MDN1: variants seen among roughly 807,000 people sequenced by gnomAD.
MDN1 encodes the protein midasin.
Under a neutral mutation model 669.2 loss-of-function variants are expected in MDN1, and 266 were observed. The observed-to-expected ratio is 0.40, with a 90% CI of 0.36 to 0.44. MDN1 has a LOEUF of 0.44. MDN1 is among the 20% of genes least tolerant of loss of function. The pLI is 1.00. For synonymous variants in MDN1, 2,385 were observed against 2,457.1 expected, an observed-to-expected ratio of 0.97 and a Z score of 0.87; for missense variants, 5,940 against 6,754.0, an observed-to-expected ratio of 0.88 and a Z score of 4.22.
intron 50 of MDN1, among the ~76,000 whole-genome samples, chr6:89,708,850 G>A (rs1813693089): frequency 6.6e-6 from 1 of 151,924 alleles, no homozygotes; most frequent in South Asian, 2.1e-4. Context: ...GTATCTGTAT[G>A]TCCTGAAAGT....
chr6:89,811,128 G>A (rs1167949909), intron 1 of MDN1, among the ~76,000 whole-genome samples: 2 of 152,100 alleles, frequency 1.3e-5, no homozygotes, highest in Non-Finnish European at 2.9e-5. Context: ...CCACAATATG[G>A]GTGGTGCTTT....
intron 79 of MDN1, among the ~76,000 whole-genome samples, chr6:89,673,785 A>G (rs1810993703): frequency 6.6e-6 from 1 of 152,056 alleles, no homozygotes; most frequent in African/African-American, 2.4e-5. Context: ...ATATTCCATT[A>G]TCATTAGTAT....
At chr6:89,744,551 T>A (rs1816487547) in intron 29 of MDN1, among the ~76,000 whole-genome samples, 1 of 152,048 alleles carries the variant, frequency 6.6e-6, no homozygotes, top group Non-Finnish European at 1.5e-5. Flanking sequence ...TACAGGCAGA[T>A]GCCAACACAA....
In MDN1 at chr6:89,695,464, C is replaced by T; in HGVS notation, c.9771+141G>A. 1 of 1,070,612 alleles carries T rather than the reference C, an allele frequency of 9.3e-7. No homozygotes were observed. Among genetic ancestry groups the T allele is most frequent in the South Asian group, 1.7e-5 (1 of 58,772 alleles). The allele number at this position is 1,070,612 out of a possible 1,614,324, so 66.3% of individuals were successfully genotyped here. Reference sequence around the variant, plus strand: ...GAAAATACAGTCTCTAAAACAGACTCCTGGGAAGTCATAAGGCAACTTATG... The same window carrying T: ...GAAAATACAGTCTCTAAAACAGACTTCTGGGAAGTCATAAGGCAACTTATG... On this transcript the variant is annotated intron_variant, in intron 61 of 101. Coordinates refer to ENST00000369393, the MANE Select transcript of MDN1 (RefSeq NM_014611.3). This position sits in a 1 kb window ranked among gnomAD's most constrained non-coding sequence, Gnocchi z 4.1.
At chr6:89,706,019 A>G in intron 53 of MDN1, 40 bp downstream of exon 53, 1 of 1,511,840 alleles carries the variant, frequency 6.6e-7, no homozygotes, top group Non-Finnish European at 8.9e-7. Flanking sequence ...AGAAAGATAA[A>G]TTTTGTTGTT....
Position 89,718,379 on chromosome 6 carries a change from T to G in MDN1, c.6570A>C (p.Ser2190=), listed in dbSNP as rs9451264. The part of the protein sequence containing the change: ...LMQRLNNKIN[S]YCKAEFAKLV... ...AAATATACATACCTGCCTTGCAGTA[T>G]GAGTTGATTTTATTGTTGAGTCGCT... The change falls in exon 43 of 102, where the codon TCA becomes TCC. Residue 2190 remains serine (S), a synonymous_variant. Coordinates refer to ENST00000369393, the MANE Select transcript of MDN1 (RefSeq NM_014611.3). The G allele has an allele frequency of 5.9e-4, 949 of 1,613,760 alleles. 9 individuals are homozygous for G. The African/African-American group carries it at 0.011, about 19-fold the overall frequency.
At position 89,673,340 on chromosome 6, in the gene MDN1, A is replaced by T. The variant is rs1810961421; in HGVS notation, c.13370T>A (p.Met4457Lys). ...GMEVEQRDSQ[M>K]ALVESLEYVR... ...ATATTCCAGACTTTCAACTAGTGCC[A>T]TTTGTGAGTCTCTTTGCTCAACCTC... is the stretch of plus-strand genomic sequence containing the variant. The change falls in exon 80 of 102, where the codon ATG becomes AAG. Residue 4457 changes from methionine (M) to lysine (K), a missense_variant. By Grantham distance (95) the Met-to-Lys change is moderately conservative. Around this residue, in one of 5 missense-constraint regions of MDN1, gnomAD observed 2,280 missense variants for 2,576.3 expected, o/e 0.88. Transcript: ENST00000369393. 1 of 1,614,134 alleles carries T rather than the reference A, an allele frequency of 6.2e-7. No individual in the cohort carries two copies.
intron 15 of MDN1, among the ~76,000 whole-genome samples, chr6:89,766,368 C>T (rs945747240): frequency 6.7e-6 from 1 of 150,352 alleles, no homozygotes; most frequent in South Asian, 2.1e-4. Flanking sequence ...TAAGTCAATA[C>T]ATATTTCAAT....
intron 22 of MDN1, among the ~76,000 whole-genome samples, chr6:89,752,055 A>G (rs1816983186): frequency 6.6e-6 from 1 of 152,240 alleles, no homozygotes; most frequent in Non-Finnish European, 1.5e-5. Flanking sequence ...GGATGATGGC[A>G]TCACTTTGCT....
intron 101 of MDN1, 56 bp from the exon 102 acceptor site, chr6:89,644,249 G>T: frequency 1.4e-6 from 2 of 1,428,112 alleles, no homozygotes; most frequent in Non-Finnish European, 9.6e-7. Context: ...AGCATCCTTA[G>T]CTAGCTCTTC....
At chr6:89,770,635 G>A (rs1487804614) in intron 15 of MDN1, among the ~76,000 whole-genome samples, 1 of 151,988 alleles carries the variant, frequency 6.6e-6, no homozygotes, top group Non-Finnish European at 1.5e-5. Context: ...CTCCCTAGTA[G>A]CTGGGACTAC....
Position 89,751,489 on chromosome 6 carries a change from T to A in MDN1, c.3169A>T (p.Ile1057Phe). ...DKEPTIDETY[I>F]LTSSVKLNLR... Reference sequence around the variant, plus strand: ...TTCAGCTTCACAGAAGATGTCAGAATGTACGTCTCATCTATTGTAGGCTCC... The same window carrying A: ...TTCAGCTTCACAGAAGATGTCAGAAAGTACGTCTCATCTATTGTAGGCTCC... Residue 1057 changes from isoleucine (I) to phenylalanine (F), a missense_variant, in exon 23 of 102, where the codon ATT becomes TTT. Coordinates refer to ENST00000369393, the MANE Select transcript of MDN1 (RefSeq NM_014611.3). 6.2e-7 allele frequency: 1 copy of A among 1,614,206 alleles called. No individual in the cohort carries two copies. The highest frequency in any genetic ancestry group is 8.5e-7 in the Non-Finnish European group (1 of 1,180,030).
Position 89,696,412 on chromosome 6 carries a change from T to C in MDN1, c.9331A>G (p.Ile3111Val). The change falls in exon 60 of 102, where the codon ATC becomes GTC. Residue 3111 changes from isoleucine to valine, a missense_variant. Around this residue, in one of 5 missense-constraint regions of MDN1, gnomAD observed 2,292 missense variants for 2,638.3 expected, o/e 0.87. Transcript: ENST00000369393. ...WVERTQQLQD[I>V]SSMLWTNMAI... is the part of the protein sequence containing the mutation. ...ATGTTAGTCCAAAGCATCGAACTGA[T>C]GTCCTGGAGCTGCTGAGTTCTCTCA... 1 of 1,614,188 alleles carries C rather than the reference T, an allele frequency of 6.2e-7. No homozygotes were observed. The highest frequency in any genetic ancestry group is 8.5e-7 in the Non-Finnish European group (1 of 1,180,028).
chr6:89,763,066 T>TA (rs1279485786), intron 15 of MDN1, among the ~76,000 whole-genome samples: 1 of 150,588 alleles, frequency 6.6e-6, no homozygotes, highest in Non-Finnish European at 1.5e-5. Context: ...AAAATAAAAG[T>TA]AAAAAAAAAT....
At position 89,772,585 on chromosome 6, in the gene MDN1, C is replaced by A; in HGVS notation, c.2071G>T (p.Ala691Ser). ...CTCTAGGGATTACCTGTAATGTGAG[C>A]CAAGTATTGGATGGTAGAGGTTTTG... Reference protein sequence around the residue: ...TGKTSTIQYLAHITGHRLRVV... With the variant: ...TGKTSTIQYLSHITGHRLRVV... The change falls in exon 14 of 102, where the codon GCT (alanine) becomes TCT (serine). Residue 691 changes from alanine to serine, a missense_variant. Transcript: ENST00000369393. 1 of 1,613,906 alleles carries A rather than the reference C, an allele frequency of 6.2e-7. No individual in the cohort carries two copies. Among genetic ancestry groups the A allele is most frequent in the East Asian group, 2.2e-5 (1 of 44,868 alleles).
At position 89,719,344 on chromosome 6, in the gene MDN1, C is replaced by A. The variant is rs532900498; in HGVS notation, c.5968-119G>T. ...TATTCTAAAAACACTGGCCACAATT[C>A]CCTTATCCTTTTGAATTTTCTCTTA... On this transcript the variant is annotated intron_variant, in intron 40 of 101. Coordinates refer to ENST00000369393, the MANE Select transcript of MDN1 (RefSeq NM_014611.3). The A allele has an allele frequency of 1.5e-5, 11 of 741,068 alleles. No individual in the cohort carries two copies. The East Asian group carries it at 2.7e-4, about 18-fold the overall frequency. 45.9% of individuals were successfully genotyped at this position (741,068 alleles called of 1,614,324 possible).
Position 89,781,507 on chromosome 6 carries a change from T to C in MDN1, c.1535A>G (p.His512Arg). 1 of 1,613,448 alleles carries C rather than the reference T, an allele frequency of 6.2e-7. No homozygotes were observed. The highest frequency in any genetic ancestry group is 2.2e-5 in the East Asian group (1 of 44,852). ...TCCAACAGAACTATCACTCCAAGAG[T>C]GATGTTTCTCTCCAGTAAGTTGGAT... Reference protein sequence around the residue: ...IYIQLTGEKHHSWSDSSVGCE... With the variant: ...IYIQLTGEKHRSWSDSSVGCE... Residue 512 changes from histidine to arginine, a missense_variant, in exon 10 of 102, where the codon CAC becomes CGC. Physicochemically the swap from His to Arg is conservative, Grantham distance 29 (BLOSUM62 0). Coordinates refer to ENST00000369393, the MANE Select transcript of MDN1 (RefSeq NM_014611.3).
chr6:89,674,853 T>G (rs1811077040), intron 78 of MDN1, among the ~76,000 whole-genome samples: 1 of 152,224 alleles, frequency 6.6e-6, no homozygotes, highest in South Asian at 2.1e-4. Context: ...AAATGTGCTG[T>G]ACTTTGCTAA....
At chr6:89,708,424 A>G in intron 51 of MDN1, 72 bp downstream of exon 51, 1 of 1,556,084 alleles carries the variant, frequency 6.4e-7, no homozygotes, top group South Asian at 1.2e-5. Flanking sequence ...GCTATTTGAC[A>G]GATTCTTAGG....
Sources: allele counts gnomAD v4.1 joint callset (sites outside exome capture counted in the v4.1 genomes callset), GRCh38; gene constraint gnomAD v4.1.1; regional missense constraint gnomAD v4.1.1; non-coding constraint Gnocchi (gnomAD v3.1); transcripts MANE v1.5; gene names NCBI Gene and HGNC (gene_info 2026-07-23, HGNC 2026-07-21).